Variants in TECRL observed in about 807,000 individuals in gnomAD.
The protein encoded by TECRL is trans-2,3-enoyl-CoA reductase-like.
A neutral mutation model predicts 52.8 loss-of-function variants in TECRL; 63 were observed. The ratio of observed to expected loss-of-function variants is 1.19; its 90% CI spans 0.97 to 1.47. The LOEUF (loss-of-function observed/expected upper bound fraction) is 1.47, where lower values mean the gene tolerates loss of function less well. TECRL is among the 40% of genes most tolerant of loss of function. The pLI is 0.00. For synonymous variants in TECRL, 164 were observed against 141.9 expected (o/e 1.16, Z -1.10); for missense variants, 482 against 429.6 (o/e 1.12, Z -1.08).
At chr4:64,353,032 C>G (rs1280747910) in intron 2 of TECRL, among the ~76,000 whole-genome samples, 1 of 152,092 alleles carries the variant, frequency 6.6e-6, no homozygotes, top group Non-Finnish European at 1.5e-5. Flanking sequence ...TACTTTGTTT[C>G]TAAATCACAA....
intron 1 of TECRL, among the ~76,000 whole-genome samples, chr4:64,378,606 C>T (rs1201379625): frequency 1.3e-5 from 2 of 152,016 alleles, no homozygotes; most frequent in Non-Finnish European, 2.9e-5. Context: ...TGTTATTTTA[C>T]TAATAAGTAA....
intron 1 of TECRL, among the ~76,000 whole-genome samples, chr4:64,398,068 T>C (rs1724085546): frequency 9.7e-6 from 1 of 102,630 alleles, no homozygotes; most frequent in African/African-American, 2.9e-5. Context: ...AATGTGTATA[T>C]TTCATTAAAC....
At chr4:64,305,506 C>T (rs1481699797) in intron 6 of TECRL, among the ~76,000 whole-genome samples, 1 of 152,088 alleles carries the variant, frequency 6.6e-6, no homozygotes, top group Non-Finnish European at 1.5e-5. Context: ...AGGGCCAACA[C>T]CTGTGGGACT....
At chr4:64,380,794 A>G (rs536392242) in intron 1 of TECRL, among the ~76,000 whole-genome samples, 1 of 152,152 alleles carries the variant, frequency 6.6e-6, no homozygotes, top group Non-Finnish European at 1.5e-5. Flanking sequence ...TTTGGTTACT[A>G]TAGCTTTGAA....
chr4:64,298,558 T>G, intron 8 of TECRL, among the ~76,000 whole-genome samples: 1 of 151,204 alleles, frequency 6.6e-6, no homozygotes, highest in African/African-American at 2.4e-5. Flanking sequence ...TTAAAAGTTT[T>G]ATTTTATAGT....
intron 1 of TECRL, among the ~76,000 whole-genome samples, chr4:64,396,182 G>A (rs1723937382): frequency 6.6e-6 from 1 of 152,076 alleles, no homozygotes. Flanking sequence ...TATTCCTGTG[G>A]AAATATGAAT....
At chr4:64,324,117 T>C (rs1433586580) in intron 3 of TECRL, among the ~76,000 whole-genome samples, 3 of 152,074 alleles carry the variant, frequency 2.0e-5, no homozygotes, top group Admixed American at 6.6e-5. Flanking sequence ...TTAAAGGAGC[T>C]ACTCATAAGA....
rs1327587999 is a variant in TECRL at position 64,278,846 on chromosome 4, G to A, written c.*1226C>T. ...CAATTTTTTTAGCTTCCACATATAA[G>A]TAATAACATGCAATGTTTAACTTTC... On this transcript the variant is annotated 3_prime_UTR_variant, in exon 12 of 12. Coordinates refer to ENST00000381210, the MANE Select transcript of TECRL (RefSeq NM_001010874.5). 1 of 151,966 alleles carries A rather than the reference G, an allele frequency of 6.6e-6. No individual in the cohort carries two copies. Among genetic ancestry groups the A allele is most frequent in the East Asian group, 1.9e-4 (1 of 5,200 alleles). 9.4% of individuals were successfully genotyped at this position (151,966 alleles called of 1,614,324 possible).
intron 8 of TECRL, among the ~76,000 whole-genome samples, chr4:64,292,822 A>G (rs1009024051): frequency 2.0e-5 from 3 of 151,980 alleles, no homozygotes; most frequent in Non-Finnish European, 4.4e-5. Flanking sequence ...GGTGTACACT[A>G]AAATAGTTAA....
intron 1 of TECRL, among the ~76,000 whole-genome samples, chr4:64,389,322 T>C (rs1053408128): frequency 3.0e-4 from 46 of 151,888 alleles, no homozygotes; most frequent in African/African-American, 1.1e-3. Context: ...ACTTTTATTA[T>C]GGAGGAGTGT....
At chr4:64,395,865 C>CT (rs1723910861) in intron 1 of TECRL, among the ~76,000 whole-genome samples, 2 of 152,190 alleles carry the variant, frequency 1.3e-5, no homozygotes, top group South Asian at 4.1e-4. Context: ...CTATTGTTCC[C>CT]TTTTATGTGT....
intron 6 of TECRL, among the ~76,000 whole-genome samples, chr4:64,309,106 G>A (rs973466850): frequency 3.3e-5 from 5 of 151,990 alleles, no homozygotes; most frequent in African/African-American, 1.2e-4. Flanking sequence ...TATTAAAAAA[G>A]CAGTCCTAAA....
intron 4 of TECRL, 124 bp from the exon 5 acceptor site, chr4:64,314,887 A>G (rs1243383538): frequency 1.4e-6 from 1 of 690,780 alleles, no homozygotes; most frequent in African/African-American, 1.8e-5. Flanking sequence ...TAACTAGATT[A>G]AGTGATATTG....
chr4:64,388,462 C>T (rs1413276519), intron 1 of TECRL, among the ~76,000 whole-genome samples: 1 of 151,802 alleles, frequency 6.6e-6, no homozygotes, highest in African/African-American at 2.4e-5. Context: ...GACGTCAGTT[C>T]TTCAACCTGG....
At chr4:64,388,258 A>C (rs1484362916) in intron 1 of TECRL, among the ~76,000 whole-genome samples, 1 of 133,652 alleles carries the variant, frequency 7.5e-6, no homozygotes, top group Non-Finnish European at 1.6e-5. Context: ...TAGTTGCTCC[A>C]GCACTATTTG....
intron 6 of TECRL, among the ~76,000 whole-genome samples, chr4:64,309,513 T>C (rs1399204983): frequency 1.3e-5 from 2 of 152,156 alleles, no homozygotes; most frequent in Non-Finnish European, 2.9e-5. Flanking sequence ...AACGTTCTTA[T>C]ATCATATTCT....
At chr4:64,359,227 T>C (rs1721000677) in intron 2 of TECRL, among the ~76,000 whole-genome samples, 1 of 151,902 alleles carries the variant, frequency 6.6e-6, no homozygotes, top group East Asian at 1.9e-4. Flanking sequence ...TTTGAGAGTC[T>C]TTCTTTGATT....
At chr4:64,304,375 G>C (rs1560483736) in intron 7 of TECRL, among the ~76,000 whole-genome samples, 1 of 151,892 alleles carries the variant, frequency 6.6e-6, no homozygotes, top group Non-Finnish European at 1.5e-5. Context: ...CAAAGACCCT[G>C]AACATTGTAA....
chr4:64,314,240 C>T (rs1023866442), intron 5 of TECRL, among the ~76,000 whole-genome samples: 45 of 151,996 alleles, frequency 3.0e-4, no homozygotes, highest in African/African-American at 1.1e-3. Flanking sequence ...TTACTTAGGT[C>T]ATTATTTCTT....
Sources: gnomAD v4.1 joint callset for allele counts (sites outside exome capture counted in the v4.1 genomes callset) on GRCh38, gnomAD v4.1.1 for gene constraint, MANE v1.5 for transcripts, NCBI Gene and HGNC (gene_info 2026-07-23, HGNC 2026-07-21) for gene names.